The following BUD31 variants were observed in gnomAD, a reference collection of about 807,000 sequenced individuals.
The protein encoded by BUD31 is BUD31 spliceosome associated protein.
In BUD31, 9 loss-of-function variants were observed where a neutral mutation model predicts 17.9. The ratio of observed to expected loss-of-function variants is 0.50; its 90% confidence interval spans 0.30 to 0.88. The LOEUF (loss-of-function observed/expected upper bound fraction) is 0.88. Among genes scored for constraint, BUD31 ranks in the 40% least tolerant of loss-of-function variants. The probability of loss-of-function intolerance (pLI) is 0.06; values close to 1 mark genes in which losing one functional copy is unlikely to be tolerated. For synonymous variants in BUD31, 70 were observed against 64.7 expected (o/e 1.08, Z -0.39); for missense variants, 148 against 184.5 (o/e 0.80, Z 1.15).
chr7:99,414,439 A>T (rs1173112651), intron 3 of BUD31, among the ~76,000 whole-genome samples: 1 of 152,150 alleles, frequency 6.6e-6, no homozygotes, highest in Non-Finnish European at 1.5e-5. Flanking sequence ...TAACAGCTTT[A>T]TTGAGATATT....
Position 99,419,534 on chromosome 7 carries a change from C to G in BUD31, c.*93C>G. 1 of 1,427,636 alleles carries G rather than the reference C, an allele frequency of 7.0e-7. No individual in the cohort carries two copies. Among genetic ancestry groups the G allele is most frequent in the Non-Finnish European group, 9.8e-7 (1 of 1,023,384 alleles). The allele number at this position is 1,427,636 out of a possible 1,614,324, so 88.4% of individuals were successfully genotyped here. On this transcript the variant is annotated 3_prime_UTR_variant, in exon 6 of 6. Transcript: ENST00000222969. ...GGAGCAGCGAGCAGTGCCCCAGGCC[C>G]GAGTTGGAGCACGGTCTCTATGGGG...
intron 3 of BUD31, among the ~76,000 whole-genome samples, chr7:99,414,084 A>C (rs1795290756): frequency 6.6e-6 from 1 of 152,232 alleles, no homozygotes. Context: ...AGGATCCAAA[A>C]ATAGACATTT....
intron 3 of BUD31, chr7:99,411,751 C>T (rs1409218591): frequency 1.1e-5 from 5 of 454,922 alleles, no homozygotes; most frequent in Admixed American, 2.4e-5. Context: ...GTCTTCCAGG[C>T]TGCAGTGCAG....
At chr7:99,417,746 A>G (rs1001435506) in intron 5 of BUD31, 151 bp downstream of exon 5, 8 of 1,534,998 alleles carry the variant, frequency 5.2e-6, no homozygotes, top group Non-Finnish European at 7.0e-6. Context: ...GGGTCCCTGT[A>G]TTCAGGAATC....
chr7:99,416,671 G>T (rs1442015694), intron 4 of BUD31: 1 of 156,374 alleles, frequency 6.4e-6, no homozygotes, highest in Non-Finnish European at 1.4e-5. Context: ...CACCCGACTC[G>T]GTCTCCCAAA....
At chr7:99,415,330 G>C (rs562123370) in intron 3 of BUD31, 2 of 364,114 alleles carry the variant, frequency 5.5e-6, no homozygotes, top group African/African-American at 4.3e-5. Context: ...CACCAAGGCA[G>C]AGAGAGAGAG....
At position 99,419,498 on chromosome 7, in the gene BUD31, C is replaced by G; in HGVS notation, c.*57C>G. The G allele has an allele frequency of 6.3e-7, 1 of 1,596,086 alleles. No individual in the cohort carries two copies. Among genetic ancestry groups the G allele is most frequent in the East Asian group, 2.2e-5 (1 of 44,806 alleles). On this transcript the variant is annotated 3_prime_UTR_variant, in exon 6 of 6. Transcript: ENST00000222969. ...TCGCAGGTTCCTGCCTGTCACGCCA[C>G]CCCCTTCCTGGGAGCAGCGAGCAGT...
At chr7:99,417,262 G>A (rs1024065165) in intron 4 of BUD31, 167 bp from the exon 5 acceptor site, 39 of 603,102 alleles carry the variant, frequency 6.5e-5, no homozygotes, top group Non-Finnish European at 6.7e-5. Flanking sequence ...CATGTTGGCC[G>A]GGCTGGTCCT....
intron 5 of BUD31, chr7:99,418,910 C>T (rs966285447): frequency 2.5e-5 from 4 of 160,610 alleles, no homozygotes; most frequent in South Asian, 1.7e-4. Flanking sequence ...AGTGTTGGGC[C>T]GCACCAGGCC....
At chr7:99,413,716 C>A (rs369910042) in intron 3 of BUD31, among the ~76,000 whole-genome samples, 3 of 152,148 alleles carry the variant, frequency 2.0e-5, no homozygotes, top group Admixed American at 6.5e-5. Flanking sequence ...CTCAGCCTCC[C>A]GAGTAACTGG....
intron 3 of BUD31, among the ~76,000 whole-genome samples, chr7:99,414,779 G>A: frequency 6.6e-6 from 1 of 152,214 alleles, no homozygotes; most frequent in East Asian, 1.9e-4. Context: ...TGTATTTTTA[G>A]TAGAGATGGG....
At chr7:99,414,790 G>T (rs923861737) in intron 3 of BUD31, among the ~76,000 whole-genome samples, 12 of 152,142 alleles carry the variant, frequency 7.9e-5, no homozygotes, top group African/African-American at 2.9e-4. Flanking sequence ...TAGAGATGGG[G>T]TTTCACCATG....
chr7:99,419,173 A>G (rs1795679404), intron 5 of BUD31: 2 of 584,430 alleles, frequency 3.4e-6, no homozygotes, highest in East Asian at 2.8e-5. Flanking sequence ...ACATATTATA[A>G]ATAGACATAC....
chr7:99,411,894 A>G, intron 3 of BUD31: 1 of 340,022 alleles, frequency 2.9e-6, no homozygotes. Context: ...TTTAGTAGAG[A>G]TGGGTTTCTC....
chr7:99,409,780 T>TGGGGGGGGGGGGGGGGGGGG (rs1554353400), intron 1 of BUD31, among the ~76,000 whole-genome samples: 11 of 61,094 alleles, frequency 1.8e-4, no homozygotes, highest in Non-Finnish European at 2.6e-4. Context: ...GGGGGGGGGG[T>TGGGGGGGGGGGGGGGGGGGG]GGGTCTTTGT....
At chr7:99,412,162 A>G (rs78738628) in intron 3 of BUD31, among the ~76,000 whole-genome samples, 69 of 152,376 alleles carry the variant, frequency 4.5e-4, no homozygotes, top group Non-Finnish European at 4.4e-4. Context: ...GATAACTTCT[A>G]TTAAATACTC....
intron 4 of BUD31, 32 bp downstream of exon 4, chr7:99,416,292 C>T (rs1795451506): frequency 5.6e-6 from 9 of 1,600,190 alleles, no homozygotes; most frequent in Non-Finnish European, 7.7e-6. Context: ...GACTTTGAAG[C>T]TCGCGTCACT....
chr7:99,416,277 T>C lies in BUD31; in HGVS notation c.217+17T>C, dbSNP rs369236468. 7.2e-5 allele frequency: 116 copies of C among 1,607,032 alleles called. No homozygotes were observed. Among genetic ancestry groups the C allele is most frequent in the Non-Finnish European group, 9.4e-5 (110 of 1,174,324 alleles). On this transcript the variant is annotated intron_variant, in intron 4 of 5. Coordinates refer to ENST00000222969, the MANE Select transcript of BUD31 (RefSeq NM_003910.4). ...TCAGCAGAGGTAATTAGTCAGTCTC[T>C]CTTGGACTTTGAAGCTCGCGTCACT...
At chr7:99,412,814 G>T (rs1456766785) in intron 3 of BUD31, among the ~76,000 whole-genome samples, 2 of 151,192 alleles carry the variant, frequency 1.3e-5, no homozygotes, top group Admixed American at 1.3e-4. Flanking sequence ...GTAGAGACGG[G>T]GTTTCACCAT....
Sources: allele counts gnomAD v4.1 joint callset (sites outside exome capture counted in the v4.1 genomes callset), GRCh38; gene constraint gnomAD v4.1.1; transcripts MANE v1.5; gene names NCBI Gene and HGNC (gene_info 2026-07-23, HGNC 2026-07-21).